TAF4B: variants seen among roughly 807,000 people sequenced by gnomAD.
TAF4B encodes TATA-box binding protein associated factor 4b.
A neutral mutation model predicts 86.4 loss-of-function variants in TAF4B; 38 were observed. That is an observed-to-expected ratio of 0.44 (90% CI 0.34 to 0.58). TAF4B has a LOEUF of 0.58. Ranked by LOEUF, TAF4B falls within the 20% of genes least tolerant of loss-of-function variation. The probability of loss-of-function intolerance (pLI) is 0.02; values close to 1 mark genes in which losing one functional copy is unlikely to be tolerated. For missense variants in TAF4B, 988 were observed against 1,027.6 expected, an observed-to-expected ratio of 0.96 and a Z score of 0.53; for synonymous variants, 388 against 391.2, an observed-to-expected ratio of 0.99 and a Z score of 0.10.
intron 9 of TAF4B, among the ~76,000 whole-genome samples, chr18:26,295,005 A>C (rs1446015005): frequency 6.7e-6 from 1 of 149,680 alleles, no homozygotes; most frequent in Non-Finnish European, 1.5e-5. Context: ...CCAGGAAATG[A>C]ATAAACATGC....
At position 26,227,093 on chromosome 18, in the gene TAF4B, G is replaced by A. The variant is rs759288826; in HGVS notation, c.160G>A (p.Val54Met). 2.7e-5 allele frequency: 43 copies of A among 1,610,848 alleles called. No individual in the cohort carries two copies. Among genetic ancestry groups the A allele is most frequent in the Non-Finnish European group, 3.6e-5 (42 of 1,179,100 alleles). Residue 54 changes from valine to methionine, a missense_variant, in exon 1 of 15, where the codon GTG (valine) becomes ATG (methionine). By Grantham distance (21) the Val-to-Met change is conservative (BLOSUM62 1). Around this residue, in one of 3 missense-constraint regions of TAF4B, gnomAD observed 747 missense variants for 737.9 expected, o/e 1.01. Coordinates refer to ENST00000269142, the MANE Select transcript of TAF4B (RefSeq NM_005640.3). ...AVTKAPVSVC[V>M]EPTASQPLRS... The stretch of plus-strand genomic sequence containing the variant: ...GACTAAGGCTCCTGTCAGCGTCTGC[G>A]TGGAGCCCACGGCGTCCCAGCCCCT...
chr18:26,369,937 G>A (rs562804729), intron 14 of TAF4B, among the ~76,000 whole-genome samples: 78 of 152,300 alleles, frequency 5.1e-4, no homozygotes, highest in Admixed American at 5.0e-3. Context: ...GGTCTAATCA[G>A]ATCTAACAGC....
chr18:26,304,868 AT>A (rs2056778385), intron 9 of TAF4B: 3 of 985,310 alleles, frequency 3.0e-6, no homozygotes, highest in Middle Eastern at 5.2e-4. Context: ...AAATGTCACT[AT>A]AAGTATTTTC....
chr18:26,251,182 G>T (rs1238628951), intron 1 of TAF4B, among the ~76,000 whole-genome samples: 1 of 152,114 alleles, frequency 6.6e-6, no homozygotes, highest in African/African-American at 2.4e-5. Flanking sequence ...AGGCACGTTT[G>T]GTTCCATATT....
intron 6 of TAF4B, among the ~76,000 whole-genome samples, chr18:26,285,217 TTTTTG>T (rs1383628157): frequency 0.084 from 9,159 of 109,396 alleles, 1,263 homozygotes; most frequent in African/African-American, 0.27. Flanking sequence ...TTCCTTTTTT[TTTTTG>T]TTTTTTTTTT....
chr18:26,335,179 G>C lies in TAF4B; in HGVS notation c.2264G>C (p.Arg755Pro). ...AATTTTCTTTTCCTTTGATAGAGTCGTTCTAATAAAGAAGATCCAGAACAG... is the reference window on the plus strand; with the variant it reads ...AATTTTCTTTTCCTTTGATAGAGTCCTTCTAATAAAGAAGATCCAGAACAG... ...REMLLKAAKS[R>P]SNKEDPEQLR... The change falls in exon 13 of 15, where the codon CGT becomes CCT. Residue 755 changes from arginine (R) to proline (P), a missense_variant. Arg to Pro is a moderately radical substitution (Grantham distance 103). Coordinates refer to ENST00000269142, the MANE Select transcript of TAF4B (RefSeq NM_005640.3). 1 of 1,611,954 alleles carries C rather than the reference G, an allele frequency of 6.2e-7. No individual in the cohort carries two copies. The highest frequency in any genetic ancestry group is 8.5e-7 in the Non-Finnish European group (1 of 1,178,520).
chr18:26,307,299 TAAG>T (rs1161628180), intron 9 of TAF4B, among the ~76,000 whole-genome samples: 2 of 152,166 alleles, frequency 1.3e-5, no homozygotes, highest in Non-Finnish European at 2.9e-5. Flanking sequence ...CTTTTTCTGC[TAAG>T]AAGATTCTGT....
intron 1 of TAF4B, among the ~76,000 whole-genome samples, chr18:26,243,270 G>T (rs901543632): frequency 6.6e-6 from 1 of 152,046 alleles, no homozygotes; most frequent in African/African-American, 2.4e-5. Context: ...TTTCCTGGAG[G>T]CTTTGTTTAT....
At chr18:26,351,691 AAAAT>A (rs1448477158) in intron 13 of TAF4B, among the ~76,000 whole-genome samples, 2 of 152,182 alleles carry the variant, frequency 1.3e-5, no homozygotes, top group Non-Finnish European at 2.9e-5. Flanking sequence ...CAACAAACAG[AAAAT>A]AAATAAGATA....
In TAF4B at chr18:26,335,195, T is replaced by C; in HGVS notation, c.2280T>C (p.Asp760=). The change falls in exon 13 of 15, where the codon GAT becomes GAC. Residue 760 remains aspartate (D), a synonymous_variant. Coordinates refer to ENST00000269142, the MANE Select transcript of TAF4B (RefSeq NM_005640.3). ...KAAKSRSNKE[D]PEQLRLKQKA... is the part of the protein sequence containing the mutation. ...GATAGAGTCGTTCTAATAAAGAAGATCCAGAACAGCTGAGATTAAAGCAGA... is the reference window on the plus strand; with the variant it reads ...GATAGAGTCGTTCTAATAAAGAAGACCCAGAACAGCTGAGATTAAAGCAGA... 1 of 1,612,680 alleles carries C rather than the reference T, an allele frequency of 6.2e-7. No individual in the cohort carries two copies. Among genetic ancestry groups the C allele is most frequent in the South Asian group, 1.1e-5 (1 of 90,954 alleles).
intron 1 of TAF4B, chr18:26,255,949 T>G: frequency 1.5e-6 from 2 of 1,312,954 alleles, no homozygotes; most frequent in South Asian, 1.2e-5. Flanking sequence ...GACTGGTTAC[T>G]GTAACAAGGA....
intron 3 of TAF4B, 112 bp from the exon 4 acceptor site, chr18:26,274,551 A>G: frequency 8.4e-7 from 1 of 1,188,008 alleles, no homozygotes; most frequent in Non-Finnish European, 1.2e-6. Context: ...CTACTAGAGC[A>G]TAACATAAAA....
intron 9 of TAF4B, among the ~76,000 whole-genome samples, chr18:26,308,314 A>G (rs2056817154): frequency 6.6e-6 from 1 of 152,160 alleles, no homozygotes; most frequent in Non-Finnish European, 1.5e-5. Context: ...AGACTTGGAG[A>G]TTATATTGTG....
At chr18:26,293,930 A>G (rs1449945337) in intron 9 of TAF4B, among the ~76,000 whole-genome samples, 1 of 152,016 alleles carries the variant, frequency 6.6e-6, no homozygotes, top group Non-Finnish European at 1.5e-5. Context: ...AGACTTTTTT[A>G]CTCAACATGT....
At chr18:26,322,606 T>A (rs768632824) in intron 11 of TAF4B, among the ~76,000 whole-genome samples, 3 of 152,152 alleles carry the variant, frequency 2.0e-5, no homozygotes, top group Non-Finnish European at 2.9e-5. Flanking sequence ...ACATTACTGA[T>A]TTTTGTTATT....
At position 26,274,801 on chromosome 18, in the gene TAF4B, G is replaced by C. The variant is rs200409508; in HGVS notation, c.736G>C (p.Ala246Pro). 2.1e-4 allele frequency: 340 copies of C among 1,614,158 alleles called. 2 individuals carry two copies. In the East Asian group the frequency reaches 7.6e-3, roughly 36 times the overall value. The change falls in exon 4 of 15, where the codon GCT becomes CCT. Residue 246 changes from alanine (A) to proline (P), a missense_variant. Transcript: ENST00000269142. Reference sequence around the variant, plus strand: ...CAATCTTAAAGCAGAGAACTCAGCAGCTGTTCAGATTAATCTTTCTCCGGT... The same window carrying C: ...CAATCTTAAAGCAGAGAACTCAGCACCTGTTCAGATTAATCTTTCTCCGGT... ...EPNLKAENSA[A>P]VQINLSPTML...
chr18:26,369,451 A>G (rs574446959), intron 14 of TAF4B, among the ~76,000 whole-genome samples: 12 of 152,366 alleles, frequency 7.9e-5, no homozygotes, highest in African/African-American at 2.9e-4. Context: ...TATTGTGTCA[A>G]ACCAGCTAAG....
intron 13 of TAF4B, among the ~76,000 whole-genome samples, chr18:26,349,988 T>C (rs2057231576): frequency 1.3e-5 from 2 of 152,168 alleles, no homozygotes; most frequent in South Asian, 4.1e-4. Context: ...AAAAATAAGG[T>C]GCTGGGAAAG....
chr18:26,357,988 C>G (rs546045842), intron 14 of TAF4B, among the ~76,000 whole-genome samples, 194 bp downstream of exon 14: 2 of 152,174 alleles, frequency 1.3e-5, no homozygotes, highest in Non-Finnish European at 2.9e-5. Flanking sequence ...GAACTTGTTA[C>G]TTATTTCATA....
Sources: allele counts gnomAD v4.1 joint callset (sites outside exome capture counted in the v4.1 genomes callset), GRCh38; gene constraint gnomAD v4.1.1; regional missense constraint gnomAD v4.1.1; transcripts MANE v1.5; gene names NCBI Gene and HGNC (gene_info 2026-07-23, HGNC 2026-07-21).